Variants in TAF4 observed in about 807,000 individuals in gnomAD.
TAF4 encodes TATA-box binding protein associated factor 4, also known as transcription initiation factor TFIID subunit 4.
TAF4 carries 9 observed loss-of-function variants against 90.3 expected under a neutral mutation model. The ratio of observed to expected loss-of-function variants is 0.10; its 90% CI spans 0.06 to 0.17. The LOEUF (loss-of-function observed/expected upper bound fraction) is 0.17. Ranked by LOEUF, TAF4 falls within the 10% of genes least tolerant of loss-of-function variation. The probability of loss-of-function intolerance (pLI) is 1.00; values close to 1 mark genes in which losing one functional copy is unlikely to be tolerated. For missense variants in TAF4, 1,351 were observed against 1,370.7 expected, an observed-to-expected ratio of 0.99 and a Z score of 0.23; for synonymous variants, 818 against 638.9, an observed-to-expected ratio of 1.28 and a Z score of -4.23.
intron 1 of TAF4, among the ~76,000 whole-genome samples, chr20:62,045,344 T>C (rs1323949879): frequency 2.0e-5 from 3 of 152,250 alleles, no homozygotes; most frequent in Non-Finnish European, 4.4e-5. Context: ...CGCTCCTCTC[T>C]ACCCTTGACT....
chr20:62,000,360 G>A lies in TAF4; in HGVS notation c.2657-106C>T, dbSNP rs887687335. On this transcript the variant is annotated intron_variant, in intron 10 of 14. Transcript: ENST00000252996. ...TTACTGCTTTTATACAACCCAAGGGGAGCCCAGAAAGGCTGGTGGGGTGGA... is the reference window on the plus strand; with the variant it reads ...TTACTGCTTTTATACAACCCAAGGGAAGCCCAGAAAGGCTGGTGGGGTGGA... The A allele has an allele frequency of 8.7e-6, 13 of 1,499,286 alleles. No homozygotes were observed. The East Asian group carries it at 2.7e-4, about 31-fold the overall frequency. 92.9% of individuals were successfully genotyped at this position (1,499,286 alleles called of 1,614,324 possible).
Position 62,064,460 on chromosome 20 carries a change from G to A in TAF4, c.1351C>T (p.Leu451=). Residue 451 remains leucine, a synonymous_variant, in exon 1 of 15, where the codon CTG becomes TTG. Coordinates refer to ENST00000252996, the MANE Select transcript of TAF4 (RefSeq NM_003185.4). ...CCGTGCGGCCACTCACCTGGGGGCAGCTGGAAGTTCTGGATGTTGGTCGGG... is the reference window on the plus strand; with the variant it reads ...CCGTGCGGCCACTCACCTGGGGGCAACTGGAAGTTCTGGATGTTGGTCGGG... ...QNPTNIQNFQ[L]PPGMVLVRSE... The A allele has an allele frequency of 1.4e-6, 2 of 1,449,756 alleles. No homozygotes were observed. Among genetic ancestry groups the A allele is most frequent in the African/African-American group, 1.5e-5 (1 of 68,836 alleles). The allele number at this position is 1,449,756 out of a possible 1,614,324, so 89.8% of individuals were successfully genotyped here. A position where few individuals can be genotyped will look rare whatever the true frequency, so the allele number is the denominator to read the frequency against.
At chr20:62,030,665 T>G (rs556882994) in intron 1 of TAF4, among the ~76,000 whole-genome samples, 8 of 152,328 alleles carry the variant, frequency 5.3e-5, no homozygotes, top group Admixed American at 4.6e-4. Flanking sequence ...AATTTTCCAA[T>G]TAACATGCTT....
intron 1 of TAF4, among the ~76,000 whole-genome samples, chr20:62,044,778 A>G (rs1255383745): frequency 6.6e-6 from 1 of 152,224 alleles, no homozygotes; most frequent in Admixed American, 6.5e-5. Flanking sequence ...TGTGACCAGC[A>G]TGACCAGCAC....
At chr20:61,995,983 C>G (rs545748102) in intron 14 of TAF4, among the ~76,000 whole-genome samples, 19 of 152,240 alleles carry the variant, frequency 1.2e-4, no homozygotes, top group African/African-American at 3.1e-4. Context: ...CTGAAACAGG[C>G]TGAATATCCT....
At chr20:62,000,849 CGCACCT>C (rs1043488087) in intron 9 of TAF4, 128 bp from the exon 10 acceptor site, 7 of 914,778 alleles carry the variant, frequency 7.7e-6, no homozygotes, top group Middle Eastern at 6.6e-4. Context: ...CTGTCCTCCC[CGCACCT>C]GCACCTGCTG....
chr20:62,055,415 A>G (rs1031447226), intron 1 of TAF4, among the ~76,000 whole-genome samples: 9 of 152,240 alleles, frequency 5.9e-5, no homozygotes, highest in East Asian at 5.8e-4. Flanking sequence ...GTCCTGTGAT[A>G]TAATCAATTC....
intron 1 of TAF4, among the ~76,000 whole-genome samples, chr20:62,047,323 A>G (rs990982301): frequency 7.2e-5 from 11 of 152,052 alleles, no homozygotes; most frequent in African/African-American, 2.7e-4. Flanking sequence ...ACCAGCCTGC[A>G]CTGACACCCC....
intron 14 of TAF4, among the ~76,000 whole-genome samples, chr20:61,984,485 G>C (rs1006624909): frequency 6.6e-6 from 1 of 151,992 alleles, no homozygotes; most frequent in Non-Finnish European, 1.5e-5. Context: ...CGACAGCCCA[G>C]ATGTGCACAC....
At chr20:62,035,073 G>A (rs2055925220) in intron 1 of TAF4, among the ~76,000 whole-genome samples, 1 of 152,138 alleles carries the variant, frequency 6.6e-6, no homozygotes, top group African/African-American at 2.4e-5. Flanking sequence ...GCCTGCCTGG[G>A]CCTCCCAAAG....
rs191298029 is a variant in TAF4 at position 62,039,042 on chromosome 20, T to C, written c.1361-24335A>G. Among the ~76,000 whole-genome samples, 433 of 152,070 alleles carry C rather than the reference T, an allele frequency of 2.8e-3. 1 individual carries two copies. The highest frequency in any genetic ancestry group is 4.3e-3 in the Admixed American group (65 of 15,272). ...CACTCCAGGAAAAGATGTGAAAGAG[T>C]GAAAAATTCCGTCTCAAAACAAACA... On this transcript the variant is annotated intron_variant, in intron 1 of 14. Coordinates refer to ENST00000252996, the MANE Select transcript of TAF4 (RefSeq NM_003185.4).
intron 1 of TAF4, among the ~76,000 whole-genome samples, chr20:62,016,982 AT>A (rs59290664): frequency 9.2e-5 from 14 of 151,486 alleles, no homozygotes; most frequent in African/African-American, 4.9e-5. Flanking sequence ...CAAAAAAAAA[AT>A]TTTTTTTTAA....
intron 1 of TAF4, among the ~76,000 whole-genome samples, chr20:62,023,769 AAGAAAGAAAGAAAG>A (rs2055858350): frequency 8.6e-6 from 1 of 115,728 alleles, no homozygotes; most frequent in Non-Finnish European, 1.7e-5. Context: ...AAAAAAAAAA[AAGAAAGAAAGAAAG>A]AAAAAGAAAG....
rs2056108205 is a variant in TAF4, at chr20:62,064,291, G to C, written c.1360+160C>G. The C allele has an allele frequency of 1.5e-5, 12 of 814,168 alleles. No individual in the cohort carries two copies. The South Asian group carries it at 4.2e-4, about 28-fold the overall frequency. 50.4% of individuals were successfully genotyped at this position (814,168 alleles called of 1,614,324 possible). A position where few individuals can be genotyped will look rare whatever the true frequency, so the allele number is the denominator to read the frequency against. On this transcript the variant is annotated intron_variant, in intron 1 of 14. Coordinates refer to ENST00000252996, the MANE Select transcript of TAF4 (RefSeq NM_003185.4). ...TGGCTCACTCGCAGACAGCCACCCG[G>C]GCTGGCCCCGCACCTGGGTAGAGAC...
intron 1 of TAF4, among the ~76,000 whole-genome samples, chr20:62,043,897 A>G (rs2055978204): frequency 6.6e-6 from 1 of 152,202 alleles, no homozygotes. Flanking sequence ...TGGTTTACAC[A>G]TAATTCCAGG....
chr20:62,044,313 G>A (rs967195069), intron 1 of TAF4, among the ~76,000 whole-genome samples: 36 of 152,130 alleles, frequency 2.4e-4, no homozygotes, highest in African/African-American at 7.5e-4. Flanking sequence ...AAAAATTAGC[G>A]TATATGCTAC....
At chr20:62,017,563 CATT>C (rs1298747187) in intron 1 of TAF4, among the ~76,000 whole-genome samples, 1 of 152,038 alleles carries the variant, frequency 6.6e-6, no homozygotes, top group African/African-American at 2.4e-5. Context: ...AGGAGAATGG[CATT>C]AACCTGGGAG....
In TAF4 at chr20:61,990,574, G is replaced by A. The variant is rs145781595; in HGVS notation, c.3090+6976C>T. The stretch of plus-strand genomic sequence containing the variant: ...GGACCCAGGAGCCAGCAGACTTCCT[G>A]GGAAGAGCAGCAGGTCCCTCCAAGA... On this transcript the variant is annotated intron_variant, in intron 14 of 14. Transcript: ENST00000252996. 6.7e-3 allele frequency among the ~76,000 whole-genome samples: 1,024 copies of A among 152,302 alleles called. 5 individuals carry two copies. The highest frequency in any genetic ancestry group is 0.01 in the Non-Finnish European group (703 of 68,020).
In TAF4 at chr20:62,023,767, AAAAG is replaced by A. The variant is rs1187960414; in HGVS notation, c.1361-9064_1361-9061del. 7.2e-3 allele frequency among the ~76,000 whole-genome samples: 839 copies of A among 116,908 alleles called. 45 individuals carry two copies. Among genetic ancestry groups the A allele is most frequent in the Admixed American group, 7.9e-3 (76 of 9,604 alleles). The allele number at this position is 116,908 out of a possible 152,430, so 76.7% of individuals were successfully genotyped here. A position where few individuals can be genotyped will look rare whatever the true frequency, so the allele number is the denominator to read the frequency against. On this transcript the variant is annotated intron_variant, in intron 1 of 14. Transcript: ENST00000252996. ...CATCTCAAAAAAAAAAAAAAAAAAA[AAAAG>A]AAAGAAAGAAAGAAAAAGAAAGCTC...
Sources: gnomAD v4.1 joint callset for allele counts (sites outside exome capture counted in the v4.1 genomes callset) on GRCh38, gnomAD v4.1.1 for gene constraint, MANE v1.5 for transcripts, NCBI Gene and HGNC (gene_info 2026-07-23, HGNC 2026-07-21) for gene names.